TNPO1: variants seen among roughly 807,000 people sequenced by gnomAD.
TNPO1 encodes transportin 1, also known as transportin-1.
In TNPO1, 8 loss-of-function variants were observed where a neutral mutation model predicts 119.5. The ratio of observed to expected loss-of-function variants is 0.07; its 90% confidence interval spans 0.04 to 0.12. The LOEUF is 0.12. TNPO1 is among the 10% of genes least tolerant of loss of function. The pLI, the probability that TNPO1 is intolerant of heterozygous loss-of-function variation, is 1.00. For synonymous variants in TNPO1, 362 were observed against 363.0 expected (o/e 1.00, Z 0.03); for missense variants, 576 against 1,089.8 (o/e 0.53, Z 6.64).
chr5:72,905,394 C>T lies in TNPO1; in HGVS notation c.2681C>T (p.Ala894Val), dbSNP rs559054427. Residue 894 changes from alanine (A) to valine (V), a missense_variant, in exon 24 of 25, where the codon GCT becomes GTT. Physicochemically the swap from Ala to Val is moderately conservative, Grantham distance 64. Coordinates refer to ENST00000337273, the MANE Select transcript of TNPO1 (RefSeq NM_002270.4). ...FPLPLKERLAAFYGV is the reference protein window; with the variant it reads ...FPLPLKERLAVFYGV ...CTTCCCTTAAAAGAGCGTCTTGCAG[C>T]TTTTTATGGTGTTTAATCTAATACA... 12 of 1,610,734 alleles carry T rather than the reference C, an allele frequency of 7.5e-6. No individual in the cohort carries two copies. Among genetic ancestry groups the T allele is most frequent in the Non-Finnish European group, 1.0e-5 (12 of 1,178,904 alleles).
At chr5:72,823,116 T>TTTCTTGCTGCACAA (rs1744047281) in intron 1 of TNPO1, among the ~76,000 whole-genome samples, 1 of 152,076 alleles carries the variant, frequency 6.6e-6, no homozygotes, top group Non-Finnish European at 1.5e-5. Context: ...GAAACCGGAC[T>TTTCTTGCTGCACAA]CTCTTCCACT....
chr5:72,850,060 T>C (rs547473395), intron 2 of TNPO1, among the ~76,000 whole-genome samples: 1 of 152,274 alleles, frequency 6.6e-6, no homozygotes, highest in South Asian at 2.1e-4. Flanking sequence ...AAGAACAACT[T>C]TCTGTTGCTG....
chr5:72,821,876 G>A (rs1732091952), intron 1 of TNPO1, among the ~76,000 whole-genome samples: 1 of 152,132 alleles, frequency 6.6e-6, no homozygotes, highest in Non-Finnish European at 1.5e-5. Flanking sequence ...CGGTTCAGGG[G>A]CCCTGAAAGG....
At chr5:72,828,136 G>A (rs979516930) in intron 1 of TNPO1, among the ~76,000 whole-genome samples, 3 of 152,098 alleles carry the variant, frequency 2.0e-5, no homozygotes, top group South Asian at 2.1e-4. Context: ...AGTGAGATAC[G>A]AGGAGAACCA....
rs869051297 is a variant in TNPO1, at chr5:72,906,275, C to CTT, written c.*35+867_*35+868dup. Among the ~76,000 whole-genome samples, 108 of 54,664 alleles carry CTT rather than the reference C, an allele frequency of 2.0e-3. 8 individuals are homozygous for CTT. Among genetic ancestry groups the CTT allele is most frequent in the African/African-American group, 3.5e-3 (52 of 14,692 alleles). 35.9% of individuals were successfully genotyped at this position (54,664 alleles called of 152,430 possible). A position where few individuals can be genotyped will look rare whatever the true frequency, so the allele number is the denominator to read the frequency against. On this transcript the variant is annotated intron_variant, in intron 24 of 24. Transcript: ENST00000337273. ...CCATGTGCCCATCACTTTTTTTTTT[C>CTT]TTTTTTTTTTTTTTTTTTTTTTTTT... is the stretch of plus-strand genomic sequence containing the variant.
At chr5:72,865,355 TCA>T (rs1032888077) in intron 5 of TNPO1, among the ~76,000 whole-genome samples, 3 of 147,570 alleles carry the variant, frequency 2.0e-5, no homozygotes, top group African/African-American at 7.5e-5. Context: ...GGCAGGAGAG[TCA>T]CTTGAACCCG....
intron 11 of TNPO1, among the ~76,000 whole-genome samples, chr5:72,885,944 A>T (rs1043938181): frequency 1.3e-5 from 2 of 152,078 alleles, no homozygotes; most frequent in Non-Finnish European, 2.9e-5. Flanking sequence ...AGAAGGACAC[A>T]CTTAAGAGCT....
At position 72,849,837 on chromosome 5, in the gene TNPO1, G is replaced by A. The variant is rs184039455; in HGVS notation, c.129+1339G>A. Among the ~76,000 whole-genome samples, 5 of 152,284 alleles carry A rather than the reference G, an allele frequency of 3.3e-5. No individual in the cohort carries two copies. The East Asian group carries it at 9.6e-4, about 29-fold the overall frequency. ...CTAGGGATGATAGAAGTTGATAGTT[G>A]ATTAATTGCAGGTATTATATGATAC... is the stretch of plus-strand genomic sequence containing the variant. On this transcript the variant is annotated intron_variant, in intron 2 of 24. Transcript: ENST00000337273.
At position 72,913,543 on chromosome 5, in the gene TNPO1, T is replaced by G. The variant is rs1057144797; in HGVS notation, c.*4870T>G. ...GTACATTTTAAAACCAGGCCAAATC[T>G]ATTTGCCAAGCAGTGTATCACTAAT... On this transcript the variant is annotated 3_prime_UTR_variant, in exon 25 of 25. Transcript: ENST00000337273. 3 of 152,504 alleles carry G rather than the reference T, an allele frequency of 2.0e-5. No individual in the cohort carries two copies. Among genetic ancestry groups the G allele is most frequent in the Non-Finnish European group, 4.4e-5 (3 of 67,926 alleles). The allele number at this position is 152,504 out of a possible 1,614,324, so 9.4% of individuals were successfully genotyped here.
At chr5:72,846,467 A>C (rs1223937062) in intron 1 of TNPO1, among the ~76,000 whole-genome samples, 2 of 152,188 alleles carry the variant, frequency 1.3e-5, no homozygotes, top group Non-Finnish European at 2.9e-5. Flanking sequence ...GTGAGATTAG[A>C]ATGTAGAAAG....
At chr5:72,893,585 A>G (rs2112463536) in intron 17 of TNPO1, 31 bp from the exon 18 acceptor site, 2 of 1,614,218 alleles carry the variant, frequency 1.2e-6, no homozygotes, top group Non-Finnish European at 1.7e-6. Context: ...TCTGTGTCAC[A>G]TTGGGGTTAA....
intron 1 of TNPO1, among the ~76,000 whole-genome samples, chr5:72,836,105 T>A (rs1744682134): frequency 6.6e-6 from 1 of 152,238 alleles, no homozygotes; most frequent in Admixed American, 6.5e-5. Flanking sequence ...TCTCCCAAGC[T>A]GGAATTGCAC....
chr5:72,849,964 C>T (rs1267286522), intron 2 of TNPO1, among the ~76,000 whole-genome samples: 1 of 152,132 alleles, frequency 6.6e-6, no homozygotes, highest in Non-Finnish European at 1.5e-5. Flanking sequence ...TTATTAGGTA[C>T]CTCATAAATG....
At position 72,830,176 on chromosome 5, in the gene TNPO1, T is replaced by G. The variant is rs116803483; in HGVS notation, c.15+13424T>G. Among the ~76,000 whole-genome samples, 1,261 of 152,256 alleles carry G rather than the reference T, an allele frequency of 8.3e-3. 14 individuals are homozygous for G. The highest frequency in any genetic ancestry group is 0.029 in the African/African-American group (1,196 of 41,554). ...AAAAAGGATAAGGTGCTAATAAAAATTCTAGCTTTGTTTTAACCTTACATC... is the reference window on the plus strand; with the variant it reads ...AAAAAGGATAAGGTGCTAATAAAAAGTCTAGCTTTGTTTTAACCTTACATC... On this transcript the variant is annotated intron_variant, in intron 1 of 24. Coordinates refer to ENST00000337273, the MANE Select transcript of TNPO1 (RefSeq NM_002270.4).
intron 4 of TNPO1, among the ~76,000 whole-genome samples, chr5:72,859,486 A>T (rs1746264725): frequency 6.6e-6 from 1 of 152,210 alleles, no homozygotes; most frequent in Non-Finnish European, 1.5e-5. Context: ...AAATATTTTA[A>T]TTAAAAGATT....
chr5:72,823,790 A>G (rs566617192), intron 1 of TNPO1, among the ~76,000 whole-genome samples: 3 of 152,054 alleles, frequency 2.0e-5, no homozygotes, highest in African/African-American at 7.2e-5. Context: ...GCATGGCCAG[A>G]AAAAAAACCA....
Position 72,877,814 on chromosome 5 carries a change from G to T in TNPO1, c.920+468G>T, listed in dbSNP as rs769416319. Among the ~76,000 whole-genome samples the T allele has an allele frequency of 3.9e-4, 60 of 151,940 alleles. 1 individual carries two copies. The highest frequency in any genetic ancestry group is 6.8e-3 in the Middle Eastern group (2 of 294). On this transcript the variant is annotated intron_variant, in intron 9 of 24. Coordinates refer to ENST00000337273, the MANE Select transcript of TNPO1 (RefSeq NM_002270.4). ...AATTGCAGAAAATTTTATATTTTCC[G>T]CATTTTCACCACCCTGAGTAATCAC...
chr5:72,911,382 C>T lies in TNPO1; in HGVS notation c.*2709C>T, dbSNP rs1270783249. On this transcript the variant is annotated 3_prime_UTR_variant, in exon 25 of 25. Transcript: ENST00000337273. ...AGAAAATAAAATTAGGTAAATATGA[C>T]TGGCAACCTGAATTTGAGTTGGGAT... The T allele has an allele frequency of 6.6e-6, 1 of 152,234 alleles. No individual in the cohort carries two copies. The highest frequency in any genetic ancestry group is 2.4e-5 in the African/African-American group (1 of 41,362). The allele number at this position is 152,234 out of a possible 1,614,324, so 9.4% of individuals were successfully genotyped here. A position where few individuals can be genotyped will look rare whatever the true frequency, so the allele number is the denominator to read the frequency against.
intron 15 of TNPO1, among the ~76,000 whole-genome samples, chr5:72,892,244 T>C (rs902085819): frequency 3.9e-5 from 6 of 152,158 alleles, no homozygotes; most frequent in African/African-American, 1.2e-4. Context: ...GAGGTACTTA[T>C]TTTCAAATTT....
Sources: gnomAD v4.1 joint callset for allele counts (sites outside exome capture counted in the v4.1 genomes callset) on GRCh38, gnomAD v4.1.1 for gene constraint, MANE v1.5 for transcripts, NCBI Gene and HGNC (gene_info 2026-07-23, HGNC 2026-07-21) for gene names.